VPS33B: variants seen among roughly 807,000 people sequenced by gnomAD.
The protein encoded by VPS33B is VPS33B late endosome and lysosome associated.
A neutral mutation model predicts 95.3 loss-of-function variants in VPS33B; 80 were observed. The ratio of observed to expected loss-of-function variants is 0.84; its 90% CI spans 0.70 to 1.01. The LOEUF is 1.01. Among genes scored for constraint, VPS33B ranks in the 50% least tolerant of loss-of-function variants. The pLI, the probability that VPS33B is intolerant of heterozygous loss-of-function variation, is 0.00. For missense variants in VPS33B, 715 were observed against 773.4 expected, an observed-to-expected ratio of 0.92 and a Z score of 0.90; for synonymous variants, 280 against 280.4, an observed-to-expected ratio of 1.00 and a Z score of 0.01.
In VPS33B at chr15:91,007,554, A is replaced by G; in HGVS notation, c.518T>C (p.Ile173Thr). The change falls in exon 8 of 23, where the codon ATC (isoleucine) becomes ACC (threonine). Residue 173 changes from isoleucine (I) to threonine (T), a missense_variant. Transcript: ENST00000333371. This position sits in a 1 kb window ranked among gnomAD's most constrained non-coding sequence, Gnocchi z 5.3. ...GTGTAAGGCCTGAGCTACAGTGTTGATCCAACGCTGATCTCCTTCCTGCAG... is the reference window on the plus strand; with the variant it reads ...GTGTAAGGCCTGAGCTACAGTGTTGGTCCAACGCTGATCTCCTTCCTGCAG... ...DYFLEGDQRW[I>T]NTVAQALHLL... The G allele has an allele frequency of 3.1e-6, 5 of 1,614,148 alleles. No homozygotes were observed. Among genetic ancestry groups the G allele is most frequent in the Non-Finnish European group, 2.5e-6 (3 of 1,179,998 alleles).
At position 91,005,173 on chromosome 15, in the gene VPS33B, T is replaced by G; in HGVS notation, c.1106-54A>C. 1 of 1,613,954 alleles carries G rather than the reference T, an allele frequency of 6.2e-7. No homozygotes were observed. The highest frequency in any genetic ancestry group is 1.1e-5 in the South Asian group (1 of 91,060). ...CTGGGGGCCAGCTCAGCTGCTGCCA[T>G]CTATGCTAACAGGTGTCTGTCTCCC... is the stretch of plus-strand genomic sequence containing the variant. On this transcript the variant is annotated intron_variant, in intron 14 of 22. Transcript: ENST00000333371. The surrounding 1 kb of genome is among the most constrained non-coding windows in gnomAD (Gnocchi z 6.4).
Position 91,006,062 on chromosome 15 carries a change from G to A in VPS33B, c.853-3C>T. 2.5e-6 allele frequency: 4 copies of A among 1,614,140 alleles called. No homozygotes were observed. Among genetic ancestry groups the A allele is most frequent in the Non-Finnish European group, 2.5e-6 (3 of 1,179,992 alleles). On this transcript the variant is annotated splice_region_variant and splice_polypyrimidine_tract_variant and intron_variant, in intron 11 of 22. Coordinates refer to ENST00000333371, the MANE Select transcript of VPS33B (RefSeq NM_018668.5). This position sits in a 1 kb window ranked among gnomAD's most constrained non-coding sequence, Gnocchi z 5.4. ...TCGTTCCGAATCTCATTAAACACCT[G>A]TGAGGACAGTAAGACAAGAACAGCT...
At position 91,007,379 on chromosome 15, in the gene VPS33B, C is replaced by T; in HGVS notation, c.603+90G>A. On this transcript the variant is annotated intron_variant, in intron 8 of 22. Coordinates refer to ENST00000333371, the MANE Select transcript of VPS33B (RefSeq NM_018668.5). The surrounding 1 kb of genome is among the most constrained non-coding windows in gnomAD (Gnocchi z 5.3). ...TGAAAGCAAAGTAAAGAATACACCT[C>T]ATATCACAGGTGCCCTTGGATAACC... 8.3e-7 allele frequency: 1 copy of T among 1,209,670 alleles called. No individual in the cohort carries two copies. The highest frequency in any genetic ancestry group is 1.2e-6 in the Non-Finnish European group (1 of 812,324). The allele number at this position is 1,209,670 out of a possible 1,614,324, so 74.9% of individuals were successfully genotyped here.
At position 91,005,805 on chromosome 15, in the gene VPS33B, G is replaced by T. The variant is rs772311971; in HGVS notation, c.940-21C>A. Reference sequence around the variant, plus strand: ...CGGCGCTGTGGGAAAATTCCCAAAGGTGAACCCCCCAACCTCAGACACGAG... The same window carrying T: ...CGGCGCTGTGGGAAAATTCCCAAAGTTGAACCCCCCAACCTCAGACACGAG... On this transcript the variant is annotated intron_variant, in intron 12 of 22. Coordinates refer to ENST00000333371, the MANE Select transcript of VPS33B (RefSeq NM_018668.5). This position sits in a 1 kb window ranked among gnomAD's most constrained non-coding sequence, Gnocchi z 6.4. 50 of 1,613,962 alleles carry T rather than the reference G, an allele frequency of 3.1e-5. No individual in the cohort carries two copies. Among genetic ancestry groups the T allele is most frequent in the Admixed American group, 6.7e-5 (4 of 60,002 alleles).
In VPS33B at chr15:91,014,411, G is replaced by T. The variant is rs566391215; in HGVS notation, c.262C>A (p.Arg88Ser). The T allele has an allele frequency of 1.9e-6, 3 of 1,613,752 alleles. No individual in the cohort carries two copies. The highest frequency in any genetic ancestry group is 3.3e-5 in the Admixed American group (2 of 59,976). Residue 88 changes from arginine (R) to serine (S), a missense_variant, in exon 4 of 23, where the codon CGC (arginine) becomes AGC (serine). By Grantham distance (110) the Arg-to-Ser change is moderately radical. Coordinates refer to ENST00000333371, the MANE Select transcript of VPS33B (RefSeq NM_018668.5). The part of the protein sequence containing the change: ...NEQLCFLVRP[R>S]IKNMRYIASL... The stretch of plus-strand genomic sequence containing the variant: ...GCAATGTATCGCATATTCTTGATGC[G>T]GGGTCTGACCAAGAAGCACAATCTA...
At position 91,013,868 on chromosome 15, in the gene VPS33B, A is replaced by T; in HGVS notation, c.293T>A (p.Leu98His). The change falls in exon 5 of 23, where the codon CTT becomes CAT. Residue 98 changes from leucine to histidine, a missense_variant. By Grantham distance (99) the Leu-to-His change is moderately conservative. Transcript: ENST00000333371. The surrounding 1 kb of genome is among the most constrained non-coding windows in gnomAD (Gnocchi z 4.5). ...GCCAGCCAATTTGTCAGCATTGACAAGACCTACAGAGAGAAGGAATGCAGC... is the reference window on the plus strand; with the variant it reads ...GCCAGCCAATTTGTCAGCATTGACATGACCTACAGAGAGAAGGAATGCAGC... ...RIKNMRYIAS[L>H]VNADKLAGRT... The T allele has an allele frequency of 6.2e-7, 1 of 1,614,102 alleles. No individual in the cohort carries two copies.
In VPS33B at chr15:91,005,373, C is replaced by A. The variant is rs1036300139; in HGVS notation, c.1105+7G>T. 1 of 1,614,140 alleles carries A rather than the reference C, an allele frequency of 6.2e-7. No individual in the cohort carries two copies. Among genetic ancestry groups the A allele is most frequent in the Non-Finnish European group, 8.5e-7 (1 of 1,180,016 alleles). Reference sequence around the variant, plus strand: ...GGGCAGTAGCACAGCAAGGCTGCGGCAGTTACCATGCTCAGTCTTGATTAG... The same window carrying A: ...GGGCAGTAGCACAGCAAGGCTGCGGAAGTTACCATGCTCAGTCTTGATTAG... On this transcript the variant is annotated splice_region_variant and intron_variant, in intron 14 of 22. Transcript: ENST00000333371. This position sits in a 1 kb window ranked among gnomAD's most constrained non-coding sequence, Gnocchi z 6.4.
intron 19 of VPS33B, chr15:91,001,141 C>T: frequency 2.4e-6 from 1 of 417,206 alleles, no homozygotes; most frequent in Non-Finnish European, 4.5e-6. Flanking sequence ...CATGGGGAAA[C>T]CTTGTCTCTA....
At position 91,013,941 on chromosome 15, in the gene VPS33B, G is replaced by A. The variant is rs72759385; in HGVS notation, c.290-70C>T. On this transcript the variant is annotated intron_variant, in intron 4 of 22. Transcript: ENST00000333371. The surrounding 1 kb of genome is among the most constrained non-coding windows in gnomAD (Gnocchi z 4.5). ...TTATGCTAGAAACAGGGAAGCTGCC[G>A]GGCACAGTGGTTCACGCCTGTAATC... 240 of 1,577,230 alleles carry A rather than the reference G, an allele frequency of 1.5e-4. 1 individual carries two copies. The highest frequency in any genetic ancestry group is 5.0e-4 in the Middle Eastern group (3 of 5,948).
In VPS33B at chr15:91,006,221, G is replaced by C; in HGVS notation, c.852+151C>G. 2 of 1,340,752 alleles carry C rather than the reference G, an allele frequency of 1.5e-6. No individual in the cohort carries two copies. Among genetic ancestry groups the C allele is most frequent in the Non-Finnish European group, 2.1e-6 (2 of 938,718 alleles). The allele number at this position is 1,340,752 out of a possible 1,614,324, so 83.1% of individuals were successfully genotyped here. ...CAAATGCCTACACCGTGTTCTAGGA[G>C]ATGCTCTGAACTGGTGGGGAAACCC... is the stretch of plus-strand genomic sequence containing the variant. On this transcript the variant is annotated intron_variant, in intron 11 of 22. Transcript: ENST00000333371. This position sits in a 1 kb window ranked among gnomAD's most constrained non-coding sequence, Gnocchi z 5.4.
chr15:91,016,878 C>A, intron 3 of VPS33B, 85 bp downstream of exon 3: 1 of 1,324,460 alleles, frequency 7.6e-7, no homozygotes, highest in Non-Finnish European at 1.1e-6. Flanking sequence ...AACCATATAT[C>A]TCAGCCAAGG....
rs74516510 is a variant in VPS33B at position 91,002,634 on chromosome 15, T to TAA, written c.1272+449_1272+450dup. 0.022 allele frequency among the ~76,000 whole-genome samples: 1,916 copies of TAA among 88,738 alleles called. 57 individuals are homozygous for TAA. The highest frequency in any genetic ancestry group is 0.067 in the African/African-American group (1,789 of 26,654). The allele number at this position is 88,738 out of a possible 152,430, so 58.2% of individuals were successfully genotyped here. On this transcript the variant is annotated intron_variant, in intron 17 of 22. Transcript: ENST00000333371. The surrounding 1 kb of genome is among the most constrained non-coding windows in gnomAD (Gnocchi z 4.7). Reference sequence around the variant, plus strand: ...AACAGAGCGAGACATCGTCTCGAAATAAAAAAAAAAAAAAAAAGAAAAGAA... The same window carrying TAA: ...AACAGAGCGAGACATCGTCTCGAAATAAAAAAAAAAAAAAAAAAAGAAAAGAA...
Position 90,999,655 on chromosome 15 carries a change from T to G in VPS33B, c.1774+22A>C. ...ACCCAGATACAATGCAGGCCAATTC[T>G]CACCTTTCTGCTCTCTCTTACCTTT... is the stretch of plus-strand genomic sequence containing the variant. On this transcript the variant is annotated intron_variant, in intron 22 of 22. Transcript: ENST00000333371. This position sits in a 1 kb window ranked among gnomAD's most constrained non-coding sequence, Gnocchi z 5.1. 7 of 1,612,642 alleles carry G rather than the reference T, an allele frequency of 4.3e-6. No individual in the cohort carries two copies. The highest frequency in any genetic ancestry group is 5.9e-6 in the Non-Finnish European group (7 of 1,178,756).
chr15:91,012,705 A>G (rs1040135830), intron 5 of VPS33B, among the ~76,000 whole-genome samples: 1 of 152,214 alleles, frequency 6.6e-6, no homozygotes, highest in African/African-American at 2.4e-5. Context: ...CTGGAACGTC[A>G]TTCCTCCCAA....
rs1446086078 is a variant in VPS33B at position 91,009,273 on chromosome 15, CTCTTTTCTTTTATTTTCTT to C, written c.403+509_403+527del. Among the ~76,000 whole-genome samples, 1 of 147,748 alleles carries C rather than the reference CTCTTTTCTTTTATTTTCTT, an allele frequency of 6.8e-6. No homozygotes were observed. The highest frequency in any genetic ancestry group is 1.5e-5 in the Non-Finnish European group (1 of 67,768). ...TCCCTCCCTCCCTCTCTCTCTTTCT[CTCTTTTCTTTTATTTTCTT>C]TCTCTCTCTCTTTCTTTCTTCCTTC... On this transcript the variant is annotated intron_variant, in intron 6 of 22. Transcript: ENST00000333371. This position sits in a 1 kb window ranked among gnomAD's most constrained non-coding sequence, Gnocchi z 4.1.
rs948738098 is a variant in VPS33B at position 91,015,859 on chromosome 15, TTAAATA to T, written c.239+1098_239+1103del. On this transcript the variant is annotated intron_variant, in intron 3 of 22. Transcript: ENST00000333371. This position sits in a 1 kb window ranked among gnomAD's most constrained non-coding sequence, Gnocchi z 4.7. ...AATAAATAAATTTAATTAAAAAAAT[TTAAATA>T]TAAGAAAGTAATAGAAAATATTTTT... Among the ~76,000 whole-genome samples, 132 of 151,970 alleles carry T rather than the reference TTAAATA, an allele frequency of 8.7e-4. 1 individual carries two copies. The highest frequency in any genetic ancestry group is 3.1e-3 in the African/African-American group (130 of 41,504).
chr15:91,003,935 A>C (rs1227902565), intron 16 of VPS33B, among the ~76,000 whole-genome samples: 1 of 152,194 alleles, frequency 6.6e-6, no homozygotes, highest in Non-Finnish European at 1.5e-5. Context: ...AGTAGAAAGC[A>C]ACCTTTGGCC....
chr15:91,022,240 GA>G lies in VPS33B; in HGVS notation c.9del (p.His5IlefsTer14), dbSNP rs1370797360. 3 of 1,573,964 alleles carry G rather than the reference GA, an allele frequency of 1.9e-6. No individual in the cohort carries two copies. Among genetic ancestry groups the G allele is most frequent in the Non-Finnish European group, 2.6e-6 (3 of 1,155,594 alleles). On this transcript the variant is annotated frameshift_variant, in exon 1 of 23. Transcript: ENST00000333371. LOFTEE classifies it high-confidence loss of function. MA[F>X]PHRPDAPELP... The stretch of plus-strand genomic sequence containing the variant: ...AGCTCAGGGGCGTCCGGCCGATGGG[GA>G]AAAGCCATGGCAGCGGTCACCTGCG...
In VPS33B at chr15:90,999,293, T is replaced by C; in HGVS notation, c.1775-239A>G. 1 of 594,236 alleles carries C rather than the reference T, an allele frequency of 1.7e-6. No homozygotes were observed. The highest frequency in any genetic ancestry group is 3.0e-5 in the Admixed American group (1 of 33,750). The allele number at this position is 594,236 out of a possible 1,614,324, so 36.8% of individuals were successfully genotyped here. A position where few individuals can be genotyped will look rare whatever the true frequency, so the allele number is the denominator to read the frequency against. On this transcript the variant is annotated intron_variant, in intron 22 of 22. Coordinates refer to ENST00000333371, the MANE Select transcript of VPS33B (RefSeq NM_018668.5). This position sits in a 1 kb window ranked among gnomAD's most constrained non-coding sequence, Gnocchi z 5.1. ...TTGTATTCTGAGGCCAGGAGAAAAA[T>C]ATTCCTGTGCAGGACACTTTGCGTG...
Sources: gnomAD v4.1 joint callset for allele counts (sites outside exome capture counted in the v4.1 genomes callset) on GRCh38, gnomAD v4.1.1 for gene constraint, Gnocchi (gnomAD v3.1) non-coding constraint, MANE v1.5 for transcripts, NCBI Gene and HGNC (gene_info 2026-07-23, HGNC 2026-07-21) for gene names.